HEATR4: variants seen among roughly 807,000 people sequenced by gnomAD.
The protein encoded by HEATR4 is HEAT repeat-containing protein 4.
Under a neutral mutation model 108.8 loss-of-function variants are expected in HEATR4, and 95 were observed. That is an observed-to-expected ratio of 0.87 (90% confidence interval 0.74 to 1.04). The LOEUF (loss-of-function observed/expected upper bound fraction) is 1.04, where lower values mean the gene tolerates loss of function less well. Among genes scored for constraint, HEATR4 ranks in the 50% least tolerant of loss-of-function variants. HEATR4 has a pLI of 0.00. For missense variants in HEATR4, 1,152 were observed against 1,253.8 expected (o/e 0.92, Z 1.23); for synonymous variants, 443 against 459.4 (o/e 0.96, Z 0.46).
intron 2 of HEATR4, among the ~76,000 whole-genome samples, chr14:73,525,592 C>T (rs1250167749): frequency 6.6e-6 from 1 of 152,114 alleles, no homozygotes; most frequent in Non-Finnish European, 1.5e-5. Context: ...AGCAAGACGG[C>T]CAAACAGACC....
At chr14:73,596,243 C>T in the HEATR4 span, 2 of 152,342 alleles carry the variant, frequency 1.3e-5, no homozygotes, top group Admixed American at 1.3e-4. Flanking sequence ...TACAGTGGCT[C>T]ACACCTGTAA....
chr14:73,528,648 A>C (rs911025212), intron 2 of HEATR4, among the ~76,000 whole-genome samples: 1 of 152,196 alleles, frequency 6.6e-6, no homozygotes, highest in Non-Finnish European at 1.5e-5. Context: ...GTAGTTTCCC[A>C]ATCTGAAAAT....
chr14:73,502,366 C>T (rs182785444), intron 11 of HEATR4, among the ~76,000 whole-genome samples: 1 of 152,094 alleles, frequency 6.6e-6, no homozygotes, highest in African/African-American at 2.4e-5. Context: ...ATCAGAATTG[C>T]GTCATACTTT....
At chr14:73,564,842 C>T in the HEATR4 span, among the ~76,000 whole-genome samples, 7 of 146,928 alleles carry the variant, frequency 4.8e-5, no homozygotes, top group Admixed American at 3.5e-4. Flanking sequence ...ACAGCTGGAA[C>T]TACAAGCATG....
At chr14:73,595,771 G>A in the HEATR4 span, 1 of 1,238,942 alleles carries the variant, frequency 8.1e-7, no homozygotes, top group Non-Finnish European at 1.1e-6. Flanking sequence ...CATTAATGGT[G>A]TATTTTACGT....
chr14:73,611,970 C>T, the HEATR4 span, among the ~76,000 whole-genome samples: 1 of 152,028 alleles, frequency 6.6e-6, no homozygotes, highest in Non-Finnish European at 1.5e-5. Context: ...CTCTCTCAAT[C>T]CTTTAGCTCT....
chr14:73,573,266 G>A, the HEATR4 span: 9 of 1,406,676 alleles, frequency 6.4e-6, no homozygotes, highest in South Asian at 3.5e-5. Flanking sequence ...TTCATTTCTC[G>A]TGGGTAGATA....
chr14:73,531,575 ATTG>A lies in HEATR4; in HGVS notation c.-151-1334_-151-1332del, dbSNP rs1378654611. Among the ~76,000 whole-genome samples, 2 of 108,352 alleles carry A rather than the reference ATTG, an allele frequency of 1.8e-5. 1 individual carries two copies. Among genetic ancestry groups the A allele is most frequent in the Non-Finnish European group, 4.0e-5 (2 of 50,400 alleles). 71.1% of individuals were successfully genotyped at this position (108,352 alleles called of 152,430 possible). A position where few individuals can be genotyped will look rare whatever the true frequency, so the allele number is the denominator to read the frequency against. On this transcript the variant is annotated intron_variant, in intron 1 of 17. Coordinates refer to ENST00000553558, the MANE Select transcript of HEATR4 (RefSeq NM_001220484.1). Reference sequence around the variant, plus strand: ...CAGGCCACACCACCACGCCCCACTAATTGTTGTACTTTTAGTAGAGATGGGGTT... The same window carrying A: ...CAGGCCACACCACCACGCCCCACTAATTGTACTTTTAGTAGAGATGGGGTT...
At chr14:73,562,797 C>T (rs567625255), upstream of HEATR4, among the ~76,000 whole-genome samples, 1 of 151,974 alleles carries the variant, frequency 6.6e-6, no homozygotes, top group Non-Finnish European at 1.5e-5. Context: ...AATTTGTGGT[C>T]AGACTGGTTC....
the HEATR4 span, chr14:73,571,332 C>T: frequency 6.1e-5 from 10 of 163,652 alleles, no homozygotes; most frequent in Non-Finnish European, 1.2e-4. Flanking sequence ...TAATTCACTC[C>T]ACAAGCTGGG....
At chr14:73,570,987 TTTTA>T in the HEATR4 span, among the ~76,000 whole-genome samples, 10 of 146,176 alleles carry the variant, frequency 6.8e-5, no homozygotes, top group South Asian at 4.3e-4. Context: ...TTTTTTTTTT[TTTTA>T]AATAAGAATT....
In HEATR4 at chr14:73,558,789, A is replaced by G. The variant is rs1889451376; in HGVS notation, c.-190T>C. Reference sequence around the variant, plus strand: ...AATCCAAAGTTTTTTCAGCTACCTCAGGTTGCCCCTCATCTTCCAGCTGAC... The same window carrying G: ...AATCCAAAGTTTTTTCAGCTACCTCGGGTTGCCCCTCATCTTCCAGCTGAC... On this transcript the variant is annotated 5_prime_UTR_variant, in exon 1 of 18. Coordinates refer to ENST00000553558, the MANE Select transcript of HEATR4 (RefSeq NM_001220484.1). 1 of 151,120 alleles carries G rather than the reference A, an allele frequency of 6.6e-6. No individual in the cohort carries two copies. The highest frequency in any genetic ancestry group is 2.4e-5 in the African/African-American group (1 of 41,072). 9.4% of individuals were successfully genotyped at this position (151,120 alleles called of 1,614,324 possible). A position where few individuals can be genotyped will look rare whatever the true frequency, so the allele number is the denominator to read the frequency against.
At chr14:73,532,641 G>A (rs1247499706) in intron 1 of HEATR4, among the ~76,000 whole-genome samples, 1 of 115,300 alleles carries the variant, frequency 8.7e-6, no homozygotes, top group Non-Finnish European at 1.9e-5. Context: ...AAGAGCGAGA[G>A]GGTACGTTTT....
At chr14:73,499,275 G>C in intron 12 of HEATR4, 135 bp from the exon 13 acceptor site, 1 of 745,146 alleles carries the variant, frequency 1.3e-6, no homozygotes. Context: ...GACATCAGGA[G>C]TTTGAGACCA....
At chr14:73,594,732 G>A in the HEATR4 span, among the ~76,000 whole-genome samples, 383 of 151,126 alleles carry the variant, frequency 2.5e-3, 2 homozygotes, top group African/African-American at 8.3e-3. Flanking sequence ...ACGGAGTCTC[G>A]CTTTGTCACC....
chr14:73,591,535 C>T, the HEATR4 span, among the ~76,000 whole-genome samples: 6 of 146,172 alleles, frequency 4.1e-5, no homozygotes, highest in African/African-American at 1.5e-4. Flanking sequence ...AGAGGAGACT[C>T]TGTTTCAAAA....
intron 7 of HEATR4, among the ~76,000 whole-genome samples, chr14:73,511,150 T>C (rs1217755508): frequency 6.6e-6 from 1 of 152,114 alleles, no homozygotes. Context: ...ATTTTATAGA[T>C]AGGTAATTTG....
chr14:73,509,441 G>A lies in HEATR4; in HGVS notation c.1591C>T (p.Leu531=). 1 of 1,614,096 alleles carries A rather than the reference G, an allele frequency of 6.2e-7. No individual in the cohort carries two copies. The highest frequency in any genetic ancestry group is 8.5e-7 in the Non-Finnish European group (1 of 1,180,020). The part of the protein sequence containing the change: ...KTIQDLPEVL[L]PALEAALCDK... ...CAAAGAGCAGCCTCTAGGGCAGGCA[G>A]TAGAACCTCCGGCAAGTCCTGGATG... is the stretch of plus-strand genomic sequence containing the variant. Residue 531 remains leucine, a synonymous_variant, in exon 8 of 18, where the codon CTG becomes TTG. Transcript: ENST00000553558.
intron 2 of HEATR4, among the ~76,000 whole-genome samples, chr14:73,529,380 A>G (rs1367110969): frequency 8.0e-6 from 1 of 125,482 alleles, no homozygotes; most frequent in Non-Finnish European, 1.8e-5. Flanking sequence ...AAAAAAAATT[A>G]AGTCAATCCT....
Sources: gnomAD v4.1 joint callset for allele counts (sites outside exome capture counted in the v4.1 genomes callset) on GRCh38, gnomAD v4.1.1 for gene constraint, MANE v1.5 for transcripts, NCBI Gene and HGNC (gene_info 2026-07-23, HGNC 2026-07-21) for gene names.